WDR70: variants seen among roughly 807,000 people sequenced by gnomAD.
The protein encoded by WDR70 is WD repeat-containing protein 70.
Under a neutral mutation model 88.6 loss-of-function variants are expected in WDR70, and 53 were observed. That is an observed-to-expected ratio of 0.60 (90% CI 0.48 to 0.75). The LOEUF (loss-of-function observed/expected upper bound fraction) is 0.75, where lower values mean the gene tolerates loss of function less well. Ranked by LOEUF, WDR70 falls within the 30% of genes least tolerant of loss-of-function variation. The probability of loss-of-function intolerance (pLI) is 0.00; values close to 1 mark genes in which losing one functional copy is unlikely to be tolerated. For missense variants in WDR70, 610 were observed against 823.2 expected (o/e 0.74, Z 3.17); for synonymous variants, 280 against 270.0 (o/e 1.04, Z -0.36).
chr5:37,591,801 C>T (rs1743538230), intron 9 of WDR70, among the ~76,000 whole-genome samples: 1 of 152,112 alleles, frequency 6.6e-6, no homozygotes, highest in African/African-American at 2.4e-5. Flanking sequence ...CAAGTTCAAG[C>T]TAACAGTTTA....
chr5:37,722,498 CATAA>C, intron 14 of WDR70: 1 of 227,114 alleles, frequency 4.4e-6, no homozygotes, highest in Admixed American at 5.2e-5. Flanking sequence ...TAGTCTGAGA[CATAA>C]ACTAAAATTT....
At chr5:37,561,023 T>A (rs1172063603) in intron 9 of WDR70, among the ~76,000 whole-genome samples, 1 of 151,888 alleles carries the variant, frequency 6.6e-6, no homozygotes, top group East Asian at 1.9e-4. Context: ...GCCGGCCATG[T>A]GGTACACCTA....
intron 17 of WDR70, among the ~76,000 whole-genome samples, chr5:37,743,988 C>CAGACGCCCTATACAAGAGCA (rs1748567432): frequency 6.6e-6 from 1 of 152,162 alleles, no homozygotes; most frequent in African/African-American, 2.4e-5. Flanking sequence ...CAGAGATTGT[C>CAGACGCCCTATACAAGAGCA]AGACGCCCTA....
Position 37,455,917 on chromosome 5 carries a change from C to G in WDR70, c.686+12545C>G, listed in dbSNP as rs72738721. ...GGTAACCACTGATGTGATTTTGCCT[C>G]TGTCAGTAGTTTTGTTCCCTTTTAT... is the stretch of plus-strand genomic sequence containing the variant. On this transcript the variant is annotated intron_variant, in intron 7 of 17. Transcript: ENST00000265107. Among the ~76,000 whole-genome samples, 769 of 152,206 alleles carry G rather than the reference C, an allele frequency of 5.1e-3. 7 individuals carry two copies. The highest frequency in any genetic ancestry group is 7.5e-3 in the Admixed American group (114 of 15,280).
At chr5:37,702,140 G>GA (rs765215699) in intron 12 of WDR70, among the ~76,000 whole-genome samples, 16 of 152,230 alleles carry the variant, frequency 1.1e-4, no homozygotes, top group Non-Finnish European at 2.2e-4. Flanking sequence ...GAAGCTGTAT[G>GA]AAAGCTGTAT....
At chr5:37,673,040 T>C (rs1746077487) in intron 10 of WDR70, among the ~76,000 whole-genome samples, 1 of 152,142 alleles carries the variant, frequency 6.6e-6, no homozygotes, top group Non-Finnish European at 1.5e-5. Flanking sequence ...TTCCTGATCC[T>C]CTCTCTCCTC....
At chr5:37,523,016 A>G (rs185168198) in intron 9 of WDR70, among the ~76,000 whole-genome samples, 1 of 152,240 alleles carries the variant, frequency 6.6e-6, no homozygotes, top group Non-Finnish European at 1.5e-5. Context: ...CCGCAGCTCA[A>G]GGAGGCCTGC....
chr5:37,525,640 C>T (rs2112287631), intron 9 of WDR70, among the ~76,000 whole-genome samples: 1 of 152,170 alleles, frequency 6.6e-6, no homozygotes, highest in South Asian at 2.1e-4. Flanking sequence ...CAGAGCAGAA[C>T]TGAAGGAAAT....
chr5:37,400,845 G>A (rs1027021025), intron 5 of WDR70, among the ~76,000 whole-genome samples: 1 of 152,172 alleles, frequency 6.6e-6, no homozygotes, highest in African/African-American at 2.4e-5. Flanking sequence ...ATGTATATAA[G>A]TACAGCTATG....
chr5:37,666,265 C>T (rs1745840539), intron 10 of WDR70, among the ~76,000 whole-genome samples: 1 of 152,156 alleles, frequency 6.6e-6, no homozygotes, highest in Non-Finnish European at 1.5e-5. Flanking sequence ...AGCCTAAGAT[C>T]CCCAACTCCT....
chr5:37,426,316 G>A (rs1418324385), intron 5 of WDR70, among the ~76,000 whole-genome samples: 1 of 152,192 alleles, frequency 6.6e-6, no homozygotes, highest in Admixed American at 6.5e-5. Context: ...ACTTTAAGCA[G>A]TAATTCAGAT....
At chr5:37,727,158 T>A in intron 17 of WDR70, 113 bp downstream of exon 17, 1 of 1,323,328 alleles carries the variant, frequency 7.6e-7, no homozygotes, top group African/African-American at 1.5e-5. Flanking sequence ...CATACTTAGA[T>A]ATGAAAAATA....
At chr5:37,428,318 A>G (rs900601520) in intron 5 of WDR70, among the ~76,000 whole-genome samples, 1 of 152,222 alleles carries the variant, frequency 6.6e-6, no homozygotes, top group Non-Finnish European at 1.5e-5. Context: ...ATTTATGAGT[A>G]TAGTTTGTGA....
At chr5:37,462,591 C>T (rs1241826233) in intron 7 of WDR70, among the ~76,000 whole-genome samples, 13 of 152,176 alleles carry the variant, frequency 8.5e-5, no homozygotes, top group Admixed American at 5.2e-4. Flanking sequence ...CGTGAGCCAC[C>T]GCACCCGGCC....
chr5:37,565,896 C>G (rs1456875006), intron 9 of WDR70, among the ~76,000 whole-genome samples: 1 of 152,040 alleles, frequency 6.6e-6, no homozygotes, highest in African/African-American at 2.4e-5. Flanking sequence ...TCAGTACTTA[C>G]TTGCTTTTTA....
chr5:37,500,742 T>TTTTTTTA (rs1740383904), intron 8 of WDR70, among the ~76,000 whole-genome samples: 3 of 133,224 alleles, frequency 2.3e-5, no homozygotes, highest in African/African-American at 2.7e-5. Context: ...TTTTTTTTTT[T>TTTTTTTA]GAGACAGAGT....
chr5:37,583,746 A>G (rs556607622), intron 9 of WDR70, among the ~76,000 whole-genome samples: 1 of 152,286 alleles, frequency 6.6e-6, no homozygotes, highest in East Asian at 1.9e-4. Context: ...AGAAAAGTTG[A>G]TATTCATTTT....
intron 7 of WDR70, among the ~76,000 whole-genome samples, chr5:37,451,679 A>C (rs1228297283): frequency 6.6e-6 from 1 of 152,160 alleles, no homozygotes; most frequent in Non-Finnish European, 1.5e-5. Flanking sequence ...AAGTCACTAA[A>C]GTTTAATGCA....
At chr5:37,405,678 A>G (rs1220188502) in intron 5 of WDR70, among the ~76,000 whole-genome samples, 2 of 152,216 alleles carry the variant, frequency 1.3e-5, no homozygotes, top group Admixed American at 1.3e-4. Flanking sequence ...CAAAGGAAAC[A>G]ATATTGAACA....
Sources: gnomAD v4.1 joint callset for allele counts (sites outside exome capture counted in the v4.1 genomes callset) on GRCh38, gnomAD v4.1.1 for gene constraint, MANE v1.5 for transcripts, NCBI Gene and HGNC (gene_info 2026-07-23, HGNC 2026-07-21) for gene names.